The following COX7C variants were observed in gnomAD, a reference collection of about 807,000 sequenced individuals.
The protein encoded by COX7C is cytochrome c oxidase subunit 7C, mitochondrial.
A neutral mutation model predicts 6.4 loss-of-function variants in COX7C; 1 was observed. The ratio of observed to expected loss-of-function variants is 0.16; its 90% CI spans 0.06 to 0.74. COX7C has a LOEUF of 0.74. COX7C is among the 30% of genes least tolerant of loss of function. The probability of loss-of-function intolerance (pLI) is 0.78; values close to 1 mark genes in which losing one functional copy is unlikely to be tolerated. For missense variants in COX7C, 54 were observed against 73.7 expected, an observed-to-expected ratio of 0.73 and a Z score of 0.98; for synonymous variants, 24 against 28.9, an observed-to-expected ratio of 0.83 and a Z score of 0.54.
chr5:86,618,040 A>G lies in COX7C; in HGVS notation c.-16A>G. ...TCCTCATTCTCTGCGCCTTTCGCAGAGCTTCCAGCAGCGGTATGTTGGGCC... is the reference window on the plus strand; with the variant it reads ...TCCTCATTCTCTGCGCCTTTCGCAGGGCTTCCAGCAGCGGTATGTTGGGCC... On this transcript the variant is annotated 5_prime_UTR_variant, in exon 1 of 3. Transcript: ENST00000247655. 1 of 1,613,214 alleles carries G rather than the reference A, an allele frequency of 6.2e-7. No homozygotes were observed. The highest frequency in any genetic ancestry group is 8.5e-7 in the Non-Finnish European group (1 of 1,179,932).
chr5:86,620,347 T>G (rs1323863000), intron 2 of COX7C: 2 of 160,846 alleles, frequency 1.2e-5, no homozygotes, highest in East Asian at 1.7e-4. Flanking sequence ...TCGTTCATAT[T>G]GGAAGGTTAG....
Position 86,619,512 on chromosome 5 carries a change from C to A in COX7C, c.*27+16C>A. ...CATTTAACAGGTAGTTAGTGGATTTCTAATCATGTTAAAGCAGGCCTTTTT... is the reference window on the plus strand; with the variant it reads ...CATTTAACAGGTAGTTAGTGGATTTATAATCATGTTAAAGCAGGCCTTTTT... On this transcript the variant is annotated intron_variant, in intron 2 of 2. Transcript: ENST00000247655. The A allele has an allele frequency of 7.7e-7, 1 of 1,298,274 alleles. No homozygotes were observed. 80.4% of individuals were successfully genotyped at this position (1,298,274 alleles called of 1,614,324 possible).
At chr5:86,619,950 C>A (rs533299683) in intron 2 of COX7C, 1 of 153,996 alleles carries the variant, frequency 6.5e-6, no homozygotes, top group South Asian at 2.0e-4. Flanking sequence ...GAGAATGTGT[C>A]TTTTAAAACA....
At chr5:86,619,555 C>G in intron 2 of COX7C, 59 bp downstream of exon 2, 1 of 845,014 alleles carries the variant, frequency 1.2e-6, no homozygotes, top group Non-Finnish European at 2.0e-6. Context: ...AGCCTCTTCC[C>G]CATCACCCAG....
At chr5:86,618,716 C>G (rs1318473993) in intron 1 of COX7C, among the ~76,000 whole-genome samples, 1 of 152,082 alleles carries the variant, frequency 6.6e-6, no homozygotes, top group Non-Finnish European at 1.5e-5. Flanking sequence ...GGGCCAGGTG[C>G]GGTGGCGCAC....
chr5:86,619,553 C>T, intron 2 of COX7C, 57 bp downstream of exon 2: 1 of 849,750 alleles, frequency 1.2e-6, no homozygotes, highest in Non-Finnish European at 2.0e-6. Context: ...GTAGCCTCTT[C>T]CCCATCACCC....
intron 1 of COX7C, among the ~76,000 whole-genome samples, chr5:86,619,099 T>A (rs971223594): frequency 3.3e-5 from 5 of 152,214 alleles, no homozygotes; most frequent in Admixed American, 3.3e-4. Flanking sequence ...CTTCTCACTA[T>A]TTGACGTTTG....
rs758600747 is a variant in COX7C, at chr5:86,620,675, G to C, written c.*35G>C. 3 of 434,242 alleles carry C rather than the reference G, an allele frequency of 6.9e-6. No individual in the cohort carries two copies. The highest frequency in any genetic ancestry group is 4.8e-5 in the South Asian group (3 of 62,284). The allele number at this position is 434,242 out of a possible 1,614,324, so 26.9% of individuals were successfully genotyped here. On this transcript the variant is annotated 3_prime_UTR_variant, in exon 3 of 3. Coordinates refer to ENST00000247655, the MANE Select transcript of COX7C (RefSeq NM_001867.3). ...TCTGTTTTTATTTTGCAGATATGAA[G>C]AGCATTTTAAGAGGTGCAGCCTCTG...
rs550511560 is a variant in COX7C at position 86,619,170 on chromosome 5, G to A, written c.76-183G>A. On this transcript the variant is annotated intron_variant, in intron 1 of 2. Transcript: ENST00000247655. ...AAGCCAGATTATTTCTTGCCATGTAGTGTTTTGTGATGAAGGTCATAGGAT... is the reference window on the plus strand; with the variant it reads ...AAGCCAGATTATTTCTTGCCATGTAATGTTTTGTGATGAAGGTCATAGGAT... 5.3e-5 allele frequency among the ~76,000 whole-genome samples: 8 copies of A among 152,188 alleles called. No homozygotes were observed. In the South Asian group the frequency reaches 1.0e-3, roughly 20 times the overall value.
chr5:86,619,743 C>A, intron 2 of COX7C: 1 of 292,576 alleles, frequency 3.4e-6, no homozygotes, highest in Non-Finnish European at 6.5e-6. Context: ...CTCTAGCAAG[C>A]TTGTGAGGCG....
rs568017214 is a variant in COX7C at position 86,618,231 on chromosome 5, G to C, written c.75+101G>C. ...CCGGGCTGTGGCGTGGGAGATGATA[G>C]CCAGAAACCAGGCTGAGACGCAGAC... On this transcript the variant is annotated intron_variant, in intron 1 of 2. Transcript: ENST00000247655. 51 of 1,088,568 alleles carry C rather than the reference G, an allele frequency of 4.7e-5. No homozygotes were observed. The Middle Eastern group carries it at 1.4e-3, about 30-fold the overall frequency. 67.4% of individuals were successfully genotyped at this position (1,088,568 alleles called of 1,614,324 possible).
chr5:86,618,347 T>C lies in COX7C; in HGVS notation c.75+217T>C, dbSNP rs146076222. The C allele has an allele frequency of 9.0e-4, 472 of 526,906 alleles. 3 individuals are homozygous for C. The highest frequency in any genetic ancestry group is 8.7e-3 in the African/African-American group (448 of 51,670). The allele number at this position is 526,906 out of a possible 1,614,324, so 32.6% of individuals were successfully genotyped here. A position where few individuals can be genotyped will look rare whatever the true frequency, so the allele number is the denominator to read the frequency against. ...AATGGGCAGGTAGATCCGGAAGCCC[T>C]GCCTCCATCAGCCACCTGACGCCCC... On this transcript the variant is annotated intron_variant, in intron 1 of 2. Transcript: ENST00000247655.
rs1317469827 is a variant in COX7C at position 86,618,327 on chromosome 5, G to T, written c.75+197G>T. 7 of 576,258 alleles carry T rather than the reference G, an allele frequency of 1.2e-5. No homozygotes were observed. The South Asian group carries it at 1.2e-4, about 10-fold the overall frequency. 35.7% of individuals were successfully genotyped at this position (576,258 alleles called of 1,614,324 possible). On this transcript the variant is annotated intron_variant, in intron 1 of 2. Coordinates refer to ENST00000247655, the MANE Select transcript of COX7C (RefSeq NM_001867.3). ...TAGCGCGTAGCCGCTAAAGGAATGG[G>T]CAGGTAGATCCGGAAGCCCTGCCTC...
intron 2 of COX7C, 58 bp downstream of exon 2, chr5:86,619,554 C>A: frequency 1.2e-6 from 1 of 845,292 alleles, no homozygotes; most frequent in Non-Finnish European, 2.0e-6. Context: ...TAGCCTCTTC[C>A]CCATCACCCA....
In COX7C at chr5:86,619,510, T is replaced by A; in HGVS notation, c.*27+14T>A. 1 of 1,316,862 alleles carries A rather than the reference T, an allele frequency of 7.6e-7. No homozygotes were observed. Among genetic ancestry groups the A allele is most frequent in the South Asian group, 1.2e-5 (1 of 84,948 alleles). 81.6% of individuals were successfully genotyped at this position (1,316,862 alleles called of 1,614,324 possible). ...TCCATTTAACAGGTAGTTAGTGGAT[T>A]TCTAATCATGTTAAAGCAGGCCTTT... On this transcript the variant is annotated intron_variant, in intron 2 of 2. Coordinates refer to ENST00000247655, the MANE Select transcript of COX7C (RefSeq NM_001867.3).
At chr5:86,619,649 C>A (rs1750078914) in intron 2 of COX7C, 153 bp downstream of exon 2, 2 of 544,568 alleles carry the variant, frequency 3.7e-6, no homozygotes, top group Non-Finnish European at 6.6e-6. Flanking sequence ...TAGTTGTAAA[C>A]CTATATAAAA....
Position 86,618,108 on chromosome 5 carries a change from A to C in COX7C, c.53A>C (p.His18Pro), listed in dbSNP as rs748543738. The C allele has an allele frequency of 6.2e-7, 1 of 1,614,092 alleles. No homozygotes were observed. Among genetic ancestry groups the C allele is most frequent in the East Asian group, 2.2e-5 (1 of 44,870 alleles). The stretch of plus-strand genomic sequence containing the variant: ...ACAACCTCTGTGGTCCGTAGGAGCC[A>C]CTATGAGGAGGGCCCTGGGAAGGTT... ...RFTTSVVRRS[H>P]YEEGPGKNLP... The change falls in exon 1 of 3, where the codon CAC becomes CCC. Residue 18 changes from histidine (H) to proline (P), a missense_variant. His to Pro is a moderately conservative substitution (Grantham distance 77). Transcript: ENST00000247655.
chr5:86,620,720 C>CCTG lies in COX7C; in HGVS notation c.*80_*81insCTG. The stretch of plus-strand genomic sequence containing the variant: ...CCTCTGGAAGTGGATCAAACTAGAA[C>CCTG]TCATATGCCATACTAGATATGTTTG... On this transcript the variant is annotated 3_prime_UTR_variant, in exon 3 of 3. Transcript: ENST00000247655. 1 of 377,328 alleles carries CCTG rather than the reference C, an allele frequency of 2.7e-6. No homozygotes were observed. Among genetic ancestry groups the CCTG allele is most frequent in the South Asian group, 1.9e-5 (1 of 54,046 alleles). 23.4% of individuals were successfully genotyped at this position (377,328 alleles called of 1,614,324 possible). A position where few individuals can be genotyped will look rare whatever the true frequency, so the allele number is the denominator to read the frequency against.
chr5:86,620,595 C>A (rs767881963), intron 2 of COX7C, 73 bp from the exon 3 acceptor site: 38 of 413,220 alleles, frequency 9.2e-5, no homozygotes, highest in Non-Finnish European at 1.9e-4. Flanking sequence ...AAAATATTTT[C>A]ATGAAACTAC....
Sources: allele counts gnomAD v4.1 joint callset (sites outside exome capture counted in the v4.1 genomes callset), GRCh38; gene constraint gnomAD v4.1.1; transcripts MANE v1.5; gene names NCBI Gene and HGNC (gene_info 2026-07-23, HGNC 2026-07-21).